The following CLDN11 variants were observed in gnomAD, a reference collection of about 807,000 sequenced individuals.
CLDN11 encodes the protein claudin-11.
A neutral mutation model predicts 18.0 loss-of-function variants in CLDN11; 1 was observed. The ratio of observed to expected loss-of-function variants is 0.06; its 90% CI spans 0.02 to 0.26. The LOEUF (loss-of-function observed/expected upper bound fraction) is 0.26. Among genes scored for constraint, CLDN11 ranks in the 10% least tolerant of loss-of-function variants. CLDN11 has a pLI of 1.00. For missense variants in CLDN11, 172 were observed against 276.6 expected (o/e 0.62, Z 2.68); for synonymous variants, 116 against 121.5 (o/e 0.96, Z 0.30).
At chr3:170,428,061 G>A (rs1364248675) in intron 2 of CLDN11, among the ~76,000 whole-genome samples, 2 of 149,050 alleles carry the variant, frequency 1.3e-5, no homozygotes, top group Admixed American at 6.7e-5. Flanking sequence ...GGAGGCTGAG[G>A]ATTGATGCTC....
In CLDN11 at chr3:170,429,694, G is replaced by A. The variant is rs180772075; in HGVS notation, c.392-2830G>A. On this transcript the variant is annotated intron_variant, in intron 2 of 2. Coordinates refer to ENST00000064724, the MANE Select transcript of CLDN11 (RefSeq NM_005602.6). ...TGGTTACTTTTGGGATATTGAGTCTGTTATTTCCCTGTGTGAAGATAATCT... is the reference window on the plus strand; with the variant it reads ...TGGTTACTTTTGGGATATTGAGTCTATTATTTCCCTGTGTGAAGATAATCT... Among the ~76,000 whole-genome samples the A allele has an allele frequency of 6.0e-4, 91 of 152,250 alleles. 1 individual carries two copies. The highest frequency in any genetic ancestry group is 2.1e-3 in the African/African-American group (88 of 41,546).
intron 1 of CLDN11, among the ~76,000 whole-genome samples, chr3:170,420,115 G>A (rs1343924749): frequency 1.3e-5 from 2 of 152,268 alleles, no homozygotes; most frequent in African/African-American, 2.4e-5. Flanking sequence ...AGATTGGGAA[G>A]GGGAGGTAAA....
chr3:170,420,958 G>C (rs1738709432), intron 1 of CLDN11, among the ~76,000 whole-genome samples: 1 of 152,198 alleles, frequency 6.6e-6, no homozygotes, highest in Non-Finnish European at 1.5e-5. Context: ...TCTCCTTTGA[G>C]ATAGTAGATG....
intron 2 of CLDN11, among the ~76,000 whole-genome samples, chr3:170,424,866 T>A (rs1024649621): frequency 2.6e-5 from 4 of 152,126 alleles, no homozygotes; most frequent in Non-Finnish European, 5.9e-5. Flanking sequence ...GGCACCATTT[T>A]CCAGGATTGC....
At position 170,429,487 on chromosome 3, in the gene CLDN11, T is replaced by C. The variant is rs560480259; in HGVS notation, c.392-3037T>C. ...GTTTTGGTATGTATGAAGTAAAATG[T>C]AGAATTGAAATGAGACTACTTCTCA... On this transcript the variant is annotated intron_variant, in intron 2 of 2. Transcript: ENST00000064724. Among the ~76,000 whole-genome samples the C allele has an allele frequency of 1.4e-4, 22 of 152,312 alleles. 1 individual carries two copies. The South Asian group carries it at 1.7e-3, about 11-fold the overall frequency.
chr3:170,432,399 G>C (rs139205558), intron 2 of CLDN11, 125 bp from the exon 3 acceptor site: 64 of 1,499,404 alleles, frequency 4.3e-5, no homozygotes, highest in Middle Eastern at 4.0e-4. Context: ...GAGCAGAACT[G>C]TGTGTATGGA....
intron 2 of CLDN11, 120 bp downstream of exon 2, chr3:170,423,447 G>C: frequency 9.6e-7 from 1 of 1,042,874 alleles, no homozygotes; most frequent in South Asian, 1.5e-5. Flanking sequence ...GAAGCCAGTG[G>C]GGGATGGACT....
intron 1 of CLDN11, among the ~76,000 whole-genome samples, chr3:170,420,960 T>C (rs1413904910): frequency 1.3e-5 from 2 of 152,212 alleles, no homozygotes; most frequent in Non-Finnish European, 2.9e-5. Context: ...TCCTTTGAGA[T>C]AGTAGATGCT....
rs966447952 is a variant in CLDN11, at chr3:170,434,320, G to A, written c.*1564G>A. ...TCAGTGCTCTCTAGGTTTCTTAAGTGGGGTGACTTTATGGCATCTTTAATC... is the reference window on the plus strand; with the variant it reads ...TCAGTGCTCTCTAGGTTTCTTAAGTAGGGTGACTTTATGGCATCTTTAATC... On this transcript the variant is annotated 3_prime_UTR_variant, in exon 3 of 3. Transcript: ENST00000064724. Among the ~76,000 whole-genome samples, 1 of 152,172 alleles carries A rather than the reference G, an allele frequency of 6.6e-6. No individual in the cohort carries two copies.
At chr3:170,430,471 G>A (rs940814564) in intron 2 of CLDN11, among the ~76,000 whole-genome samples, 1 of 151,908 alleles carries the variant, frequency 6.6e-6, no homozygotes, top group African/African-American at 2.4e-5. Flanking sequence ...ACAGAAGCTG[G>A]CATGACTGTG....
chr3:170,419,754 C>A lies in CLDN11; in HGVS notation c.226+462C>A, dbSNP rs1277956530. Among the ~76,000 whole-genome samples, 5 of 152,264 alleles carry A rather than the reference C, an allele frequency of 3.3e-5. No homozygotes were observed. Among genetic ancestry groups the A allele is most frequent in the Non-Finnish European group, 7.3e-5 (5 of 68,046 alleles). Reference sequence around the variant, plus strand: ...GACAGGAGAATCGAACCGGCTCAGGCTGAGTTTCTCGGTCCTCATGGGATG... The same window carrying A: ...GACAGGAGAATCGAACCGGCTCAGGATGAGTTTCTCGGTCCTCATGGGATG... On this transcript the variant is annotated intron_variant, in intron 1 of 2. Transcript: ENST00000064724. The surrounding 1 kb of genome is among the most constrained non-coding windows in gnomAD (Gnocchi z 8.6).
intron 1 of CLDN11, 70 bp from the exon 2 acceptor site, chr3:170,423,093 C>G (rs1481999203): frequency 6.5e-7 from 1 of 1,545,036 alleles, no homozygotes; most frequent in African/African-American, 1.4e-5. Flanking sequence ...GCTGAATTCC[C>G]CTAAGGCAGG....
Position 170,433,788 on chromosome 3 carries a change from A to C in CLDN11, c.*1032A>C, listed in dbSNP as rs1026247280. 1.3e-5 allele frequency: 2 copies of C among 152,692 alleles called. No homozygotes were observed. Among genetic ancestry groups the C allele is most frequent in the Non-Finnish European group, 2.9e-5 (2 of 68,056 alleles). The allele number at this position is 152,692 out of a possible 1,614,324, so 9.5% of individuals were successfully genotyped here. On this transcript the variant is annotated 3_prime_UTR_variant, in exon 3 of 3. Transcript: ENST00000064724. The stretch of plus-strand genomic sequence containing the variant: ...TATGCAATAAATAACAGTGCAAGTG[A>C]GTATAACTCTAACTGATGTTCCACA...
chr3:170,434,428 A>G lies in CLDN11; in HGVS notation c.*1672A>G, dbSNP rs750068754. 6.6e-6 allele frequency among the ~76,000 whole-genome samples: 1 copy of G among 152,222 alleles called. No individual in the cohort carries two copies. The highest frequency in any genetic ancestry group is 1.5e-5 in the Non-Finnish European group (1 of 68,036). On this transcript the variant is annotated 3_prime_UTR_variant, in exon 3 of 3. Coordinates refer to ENST00000064724, the MANE Select transcript of CLDN11 (RefSeq NM_005602.6). ...TTCATCTACTTCTAACACTTAGTAA[A>G]GGAATTGATTGGCTAGGTATAAAAA...
In CLDN11 at chr3:170,433,240, A is replaced by C. The variant is rs1307967347; in HGVS notation, c.*484A>C. The C allele has an allele frequency of 2.7e-5, 4 of 146,834 alleles. No homozygotes were observed. Among genetic ancestry groups the C allele is most frequent in the African/African-American group, 7.7e-5 (3 of 38,946 alleles). The allele number at this position is 146,834 out of a possible 1,614,324, so 9.1% of individuals were successfully genotyped here. A position where few individuals can be genotyped will look rare whatever the true frequency, so the allele number is the denominator to read the frequency against. On this transcript the variant is annotated 3_prime_UTR_variant, in exon 3 of 3. Transcript: ENST00000064724. The stretch of plus-strand genomic sequence containing the variant: ...CATGTAGCCTCAACCTCCCCGGCTC[A>C]AGTGATCCTCCTGCCTCAGCCTCCC...
At chr3:170,430,403 A>G (rs1332740160) in intron 2 of CLDN11, among the ~76,000 whole-genome samples, 1 of 152,204 alleles carries the variant, frequency 6.6e-6, no homozygotes, top group African/African-American at 2.4e-5. Flanking sequence ...GCTTTTCTTG[A>G]ACATTCTAGT....
chr3:170,432,565 G>T lies in CLDN11; in HGVS notation c.433G>T (p.Ala145Ser). 2 of 1,613,752 alleles carry T rather than the reference G, an allele frequency of 1.2e-6. No homozygotes were observed. The highest frequency in any genetic ancestry group is 1.7e-6 in the Non-Finnish European group (2 of 1,180,032). The change falls in exon 3 of 3, where the codon GCC becomes TCC. Residue 145 changes from alanine to serine, a missense_variant. Physicochemically the swap from Ala to Ser is moderately conservative, Grantham distance 99. Transcript: ENST00000064724. The stretch of plus-strand genomic sequence containing the variant: ...TGCCACCATCTGGTTCCCTGTGTGC[G>T]CCCACCGTGAGACCACCATCGTGAG... ...LVATIWFPVC[A>S]HRETTIVSFG... is the part of the protein sequence containing the mutation.
chr3:170,419,196 C>T lies in CLDN11; in HGVS notation c.130C>T (p.Leu44=), dbSNP rs774933596. The change falls in exon 1 of 3, where the codon CTG becomes TTG. Residue 44 remains leucine, a synonymous_variant. Coordinates refer to ENST00000064724, the MANE Select transcript of CLDN11 (RefSeq NM_005602.6). This position sits in a 1 kb window ranked among gnomAD's most constrained non-coding sequence, Gnocchi z 8.6. ...CGYTIPTCRK[L]DELGSKGLWA... ...CTACACCATCCCCACCTGCCGCAAG[C>T]TGGATGAGCTGGGCTCCAAGGGGCT... The T allele has an allele frequency of 1.3e-6, 2 of 1,565,856 alleles. No homozygotes were observed. The highest frequency in any genetic ancestry group is 1.7e-4 in the Middle Eastern group (1 of 5,988).
chr3:170,429,875 G>A (rs1738953103), intron 2 of CLDN11, among the ~76,000 whole-genome samples: 1 of 152,204 alleles, frequency 6.6e-6, no homozygotes, highest in African/African-American at 2.4e-5. Context: ...TAAATACAAA[G>A]TATAGTTGAA....
Sources: gnomAD v4.1 joint callset for allele counts (sites outside exome capture counted in the v4.1 genomes callset) on GRCh38, gnomAD v4.1.1 for gene constraint, Gnocchi (gnomAD v3.1) non-coding constraint, MANE v1.5 for transcripts, NCBI Gene and HGNC (gene_info 2026-07-23, HGNC 2026-07-21) for gene names.